The following ZFYVE16 variants were observed in gnomAD, a reference collection of about 807,000 sequenced individuals.
ZFYVE16 encodes zinc finger FYVE-type containing 16.
Under a neutral mutation model 138.1 loss-of-function variants are expected in ZFYVE16, and 89 were observed. The ratio of observed to expected loss-of-function variants is 0.64; its 90% CI spans 0.54 to 0.77. The LOEUF is 0.77. Among genes scored for constraint, ZFYVE16 ranks in the 30% least tolerant of loss-of-function variants. The probability of loss-of-function intolerance (pLI) is 0.00; values close to 1 mark genes in which losing one functional copy is unlikely to be tolerated. For synonymous variants in ZFYVE16, 596 were observed against 618.3 expected, an observed-to-expected ratio of 0.96 and a Z score of 0.53; for missense variants, 1,793 against 1,786.7, an observed-to-expected ratio of 1.00 and a Z score of -0.06.
At chr5:80,430,003 C>A (rs1748748738) in intron 2 of ZFYVE16, among the ~76,000 whole-genome samples, 1 of 152,136 alleles carries the variant, frequency 6.6e-6, no homozygotes, top group African/African-American at 2.4e-5. Flanking sequence ...GACTTTAACA[C>A]CCCACTGTCA....
rs187063986 is a variant in ZFYVE16 at position 80,414,592 on chromosome 5, G to A, written c.-94+6439G>A. ...TGACCTGTTATATCTCTTTGGAAGC[G>A]TTTATATTTATTCAGCAAGTATGTA... is the stretch of plus-strand genomic sequence containing the variant. On this transcript the variant is annotated intron_variant, in intron 1 of 18. Transcript: ENST00000505560. 2.1e-3 allele frequency among the ~76,000 whole-genome samples: 324 copies of A among 152,158 alleles called. 2 individuals carry two copies. Among genetic ancestry groups the A allele is most frequent in the African/African-American group, 7.4e-3 (307 of 41,516 alleles).
chr5:80,471,060 C>G (rs1176728467), intron 15 of ZFYVE16, among the ~76,000 whole-genome samples: 2 of 152,096 alleles, frequency 1.3e-5, no homozygotes, highest in African/African-American at 4.8e-5. Flanking sequence ...GATTCCTATC[C>G]CAGAAAAGCA....
chr5:80,410,952 T>A (rs72763551), intron 1 of ZFYVE16, among the ~76,000 whole-genome samples: 4,564 of 151,008 alleles, frequency 0.03, 119 homozygotes, highest in East Asian at 0.065. Context: ...CTTTTTTTTT[T>A]AAATTTATTT....
rs1750490994 is a variant in ZFYVE16 at position 80,440,030 on chromosome 5, A to G, written c.2417A>G (p.Lys806Arg). The G allele has an allele frequency of 6.2e-7, 1 of 1,605,398 alleles. No homozygotes were observed. The highest frequency in any genetic ancestry group is 8.5e-7 in the Non-Finnish European group (1 of 1,176,248). ...GTAGTCTGCTATGAAACTATTAGTA[A>G]AGGTGAGTATTAACTTGATATATTT... ...VCVVCYETIS[K>R]AQAFERMMSP... The change falls in exon 5 of 19, where the codon AAA becomes AGA. Residue 806 changes from lysine (K) to arginine (R), a missense_variant and splice_region_variant. Around this residue, in one of 2 missense-constraint regions of ZFYVE16, gnomAD observed 1,295 missense variants for 1,204.3 expected, o/e 1.08. Coordinates refer to ENST00000505560, the MANE Select transcript of ZFYVE16 (RefSeq NM_001284236.3).
intron 1 of ZFYVE16, among the ~76,000 whole-genome samples, chr5:80,410,998 C>T (rs1249995003): frequency 2.0e-5 from 3 of 151,272 alleles, no homozygotes; most frequent in East Asian, 2.0e-4. Context: ...GATGGAGTCT[C>T]GCTGTGTCGC....
chr5:80,460,863 GATA>G (rs1753027699), intron 15 of ZFYVE16, among the ~76,000 whole-genome samples: 1 of 152,072 alleles, frequency 6.6e-6, no homozygotes. Context: ...AGCAAAAAAG[GATA>G]ATATGATAAA....
chr5:80,464,458 C>T (rs1356290116), intron 15 of ZFYVE16, among the ~76,000 whole-genome samples: 1 of 152,162 alleles, frequency 6.6e-6, no homozygotes, highest in African/African-American at 2.4e-5. Flanking sequence ...GTTACTTCCA[C>T]CTGGTCTCTC....
chr5:80,463,603 A>G (rs1189017534), intron 15 of ZFYVE16, among the ~76,000 whole-genome samples: 1 of 152,108 alleles, frequency 6.6e-6, no homozygotes, highest in Non-Finnish European at 1.5e-5. Context: ...ACTTAATGCA[A>G]ATTTCTGCAG....
rs1580222440 is a variant in ZFYVE16, at chr5:80,438,799, A to G, written c.2114A>G (p.Tyr705Cys). The change falls in exon 4 of 19, where the codon TAC becomes TGC. Residue 705 changes from tyrosine (Y) to cysteine (C), a missense_variant. By Grantham distance (194) the Tyr-to-Cys change is radical. Transcript: ENST00000505560. ...ADPQVSFNSN[Y>C]IDIESNSEGG... ...CCACAGGTTAGCTTCAACTCTAATT[A>G]CATTGATATAGAAAGTAATTCTGAA... 2.5e-6 allele frequency: 4 copies of G among 1,614,110 alleles called. No homozygotes were observed. The South Asian group carries it at 3.3e-5, about 13-fold the overall frequency.
chr5:80,426,570 T>C (rs1224849684), intron 1 of ZFYVE16, among the ~76,000 whole-genome samples: 1 of 152,038 alleles, frequency 6.6e-6, no homozygotes, highest in Non-Finnish European at 1.5e-5. Flanking sequence ...TGTTCTTGCA[T>C]TAGTTTGCTG....
intron 6 of ZFYVE16, among the ~76,000 whole-genome samples, 151 bp from the exon 7 acceptor site, chr5:80,445,103 GAATCACAAA>G (rs1751150953): frequency 6.6e-6 from 1 of 152,148 alleles, no homozygotes; most frequent in Non-Finnish European, 1.5e-5. Context: ...TAGGATAGAG[GAATCACAAA>G]AGGCCATTTC....
At chr5:80,407,724 A>G (rs259051), upstream of ZFYVE16, among the ~76,000 whole-genome samples, 130,885 of 152,268 alleles carry the variant, frequency 0.86, 57,417 homozygotes, top group Non-Finnish European at 0.94. Context: ...CTAAGGCTGG[A>G]GCCGGGGAAG....
In ZFYVE16 at chr5:80,480,085, T is replaced by C. The variant is rs992986872; in HGVS notation, c.*2708T>C. Among the ~76,000 whole-genome samples the C allele has an allele frequency of 4.6e-5, 7 of 150,964 alleles. No homozygotes were observed. Among genetic ancestry groups the C allele is most frequent in the African/African-American group, 1.5e-4 (6 of 40,306 alleles). On this transcript the variant is annotated 3_prime_UTR_variant, in exon 19 of 19. Coordinates refer to ENST00000505560, the MANE Select transcript of ZFYVE16 (RefSeq NM_001284236.3). ...CCTCAAATTACTTTTCAAATATGTC[T>C]AGTAACACATAGTAAAAAGTAGTCA...
chr5:80,482,881 T>A lies in ZFYVE16; in HGVS notation c.*5504T>A, dbSNP rs1407578939. ...TTTTTTTCTTTACTTTTTTTTTTTT[T>A]ATGAGATGGAGTCTCACTCTGTTGC... is the stretch of plus-strand genomic sequence containing the variant. On this transcript the variant is annotated 3_prime_UTR_variant, in exon 19 of 19. Transcript: ENST00000505560. 1.3e-5 allele frequency: 2 copies of A among 151,828 alleles called. No individual in the cohort carries two copies. The highest frequency in any genetic ancestry group is 4.8e-5 in the African/African-American group (2 of 41,354). The allele number at this position is 151,828 out of a possible 1,614,324, so 9.4% of individuals were successfully genotyped here.
At chr5:80,466,040 C>T (rs1329462201) in intron 15 of ZFYVE16, among the ~76,000 whole-genome samples, 1 of 151,964 alleles carries the variant, frequency 6.6e-6, no homozygotes, top group Non-Finnish European at 1.5e-5. Flanking sequence ...ATTCTCTTGC[C>T]TCAGCTTCCT....
chr5:80,460,344 G>C (rs1752972807), intron 15 of ZFYVE16, among the ~76,000 whole-genome samples: 1 of 152,048 alleles, frequency 6.6e-6, no homozygotes, highest in Admixed American at 6.6e-5. Flanking sequence ...TTTTCTGACT[G>C]ACTTGTAGTT....
chr5:80,432,130 G>A lies in ZFYVE16; in HGVS notation c.-39-1979G>A, dbSNP rs1169206622. Among the ~76,000 whole-genome samples, 13 of 151,952 alleles carry A rather than the reference G, an allele frequency of 8.6e-5. No individual in the cohort carries two copies. The South Asian group carries it at 1.0e-3, about 12-fold the overall frequency. On this transcript the variant is annotated intron_variant, in intron 2 of 18. Transcript: ENST00000505560. Reference sequence around the variant, plus strand: ...AAAAAAGGGCCCGCATTGCCAAGTCGATCCTAAGCCAAAAAAACAAAGCTG... The same window carrying A: ...AAAAAAGGGCCCGCATTGCCAAGTCAATCCTAAGCCAAAAAAACAAAGCTG...
intron 1 of ZFYVE16, among the ~76,000 whole-genome samples, chr5:80,416,875 C>G (rs915174620): frequency 2.0e-5 from 3 of 151,964 alleles, no homozygotes; most frequent in Non-Finnish European, 4.4e-5. Flanking sequence ...GCTTCTAGGC[C>G]CTCTAAGCTG....
chr5:80,430,157 C>T (rs1481741160), intron 2 of ZFYVE16, among the ~76,000 whole-genome samples: 1 of 152,222 alleles, frequency 6.6e-6, no homozygotes, highest in East Asian at 1.9e-4. Flanking sequence ...CACCACATTG[C>T]ACTTATTCCA....
Sources: allele counts gnomAD v4.1 joint callset (sites outside exome capture counted in the v4.1 genomes callset), GRCh38; gene constraint gnomAD v4.1.1; regional missense constraint gnomAD v4.1.1; transcripts MANE v1.5; gene names NCBI Gene and HGNC (gene_info 2026-07-23, HGNC 2026-07-21).